Variants in CENPC observed in about 807,000 individuals in gnomAD.
The protein encoded by CENPC is centromere protein C.
Under a neutral mutation model 112.1 loss-of-function variants are expected in CENPC, and 63 were observed. That is an observed-to-expected ratio of 0.56 (90% confidence interval 0.46 to 0.69). The LOEUF (loss-of-function observed/expected upper bound fraction) is 0.69, where lower values mean the gene tolerates loss of function less well. Ranked by LOEUF, CENPC falls within the 30% of genes least tolerant of loss-of-function variation. The pLI, the probability that CENPC is intolerant of heterozygous loss-of-function variation, is 0.00. For synonymous variants in CENPC, 333 were observed against 367.6 expected (o/e 0.91, Z 1.08); for missense variants, 1,000 against 1,103.8 (o/e 0.91, Z 1.33).
Position 67,495,149 on chromosome 4 carries a change from A to G in CENPC, c.2185+10T>C. 6.6e-7 allele frequency: 1 copy of G among 1,505,492 alleles called. No individual in the cohort carries two copies. The highest frequency in any genetic ancestry group is 1.3e-5 in the South Asian group (1 of 75,618). The allele number at this position is 1,505,492 out of a possible 1,614,324, so 93.3% of individuals were successfully genotyped here. A position where few individuals can be genotyped will look rare whatever the true frequency, so the allele number is the denominator to read the frequency against. On this transcript the variant is annotated intron_variant, in intron 13 of 18. Coordinates refer to ENST00000273853, the MANE Select transcript of CENPC (RefSeq NM_001812.4). Reference sequence around the variant, plus strand: ...TCAATGAAAATATTAAAAAAGAAAAATATTCTTACCTAGTTTGTGATGGAT... The same window carrying G: ...TCAATGAAAATATTAAAAAAGAAAAGTATTCTTACCTAGTTTGTGATGGAT...
At chr4:67,507,668 T>C (rs182543596) in intron 10 of CENPC, among the ~76,000 whole-genome samples, 436 of 152,162 alleles carry the variant, frequency 2.9e-3, no homozygotes, top group Admixed American at 6.6e-3. Context: ...TACCAAACAT[T>C]CAAAGAGAAT....
chr4:67,532,924 TA>T, intron 4 of CENPC, among the ~76,000 whole-genome samples: 1 of 152,238 alleles, frequency 6.6e-6, no homozygotes, highest in Admixed American at 6.5e-5. Flanking sequence ...CAAATAAAAA[TA>T]AGTATCAGTC....
intron 4 of CENPC, among the ~76,000 whole-genome samples, chr4:67,535,999 A>T (rs1726708034): frequency 6.6e-6 from 1 of 152,128 alleles, no homozygotes; most frequent in Admixed American, 6.5e-5. Flanking sequence ...AATGCCTTTG[A>T]GCTTTAAAAA....
intron 7 of CENPC, among the ~76,000 whole-genome samples, 200 bp from the exon 8 acceptor site, chr4:67,514,887 T>C (rs1192213078): frequency 6.6e-6 from 1 of 151,924 alleles, no homozygotes; most frequent in African/African-American, 2.4e-5. Flanking sequence ...AGTAATGACA[T>C]CACAAAAATT....
At position 67,542,020 on chromosome 4, in the gene CENPC, A is replaced by ATT. The variant is rs754671106; in HGVS notation, c.66-972_66-971dup. ...ATAAATCCAAGTTGAATGTACCAAT[A>ATT]TTTCATTGCTTTTTAGAGTCAAGTA... On this transcript the variant is annotated intron_variant, in intron 2 of 18. Transcript: ENST00000273853. 3.1e-4 allele frequency among the ~76,000 whole-genome samples: 47 copies of ATT among 152,268 alleles called. No homozygotes were observed. In the East Asian group the frequency reaches 5.8e-3, roughly 19 times the overall value.
intron 5 of CENPC, among the ~76,000 whole-genome samples, chr4:67,527,726 T>A (rs1483201429): frequency 6.6e-6 from 1 of 151,910 alleles, no homozygotes; most frequent in African/African-American, 2.4e-5. Context: ...GTCTCAAACA[T>A]CTGGCCTCAA....
At chr4:67,492,096 A>C in intron 16 of CENPC, 84 bp downstream of exon 16, 1 of 888,850 alleles carries the variant, frequency 1.1e-6, no homozygotes, top group Non-Finnish European at 1.7e-6. Context: ...GAGAAAGGGA[A>C]AGTAGACAGG....
At chr4:67,481,918 A>G (rs549672963) in intron 17 of CENPC, among the ~76,000 whole-genome samples, 1 of 152,368 alleles carries the variant, frequency 6.6e-6, no homozygotes, top group South Asian at 2.1e-4. Context: ...TAAACTAAAA[A>G]GCTTCTGCAC....
intron 4 of CENPC, among the ~76,000 whole-genome samples, chr4:67,534,626 G>C (rs1025183332): frequency 6.6e-6 from 1 of 152,208 alleles, no homozygotes; most frequent in Non-Finnish European, 1.5e-5. Context: ...ATCGCAGTTA[G>C]ACTTGAACCG....
intron 12 of CENPC, among the ~76,000 whole-genome samples, chr4:67,499,145 T>C (rs1360433240): frequency 2.2e-4 from 33 of 152,182 alleles, no homozygotes; most frequent in Non-Finnish European, 2.9e-5. Context: ...GCAAAGTAGA[T>C]TTAGCATAAT....
intron 5 of CENPC, 116 bp downstream of exon 5, chr4:67,530,699 C>T (rs1726521923): frequency 2.3e-6 from 1 of 435,118 alleles, no homozygotes; most frequent in African/African-American, 2.1e-5. Context: ...TTTCACAATT[C>T]ACAATTCTGT....
At chr4:67,501,817 G>A (rs1430329015) in intron 12 of CENPC, among the ~76,000 whole-genome samples, 6 of 152,158 alleles carry the variant, frequency 3.9e-5, no homozygotes, top group East Asian at 3.8e-4. Context: ...GATAATAGAC[G>A]TGTATTTATT....
rs529183872 is a variant in CENPC, at chr4:67,509,037, T to C, written c.1681A>G (p.Thr561Ala). Residue 561 changes from threonine to alanine, a missense_variant, in exon 10 of 19, where the codon ACT becomes GCT. Physicochemically the swap from Thr to Ala is moderately conservative, Grantham distance 58. Transcript: ENST00000273853. ...PMHHNSSRKSTKKTNQSSKNI... is the reference protein window; with the variant it reads ...PMHHNSSRKSAKKTNQSSKNI... The stretch of plus-strand genomic sequence containing the variant: ...TTAGATGACTGATTTGTTTTCTTAG[T>C]AGATTTTCGGCTACTATTGTGATGC... 2.0e-4 allele frequency: 320 copies of C among 1,612,484 alleles called. 1 individual carries two copies. Among genetic ancestry groups the C allele is most frequent in the Admixed American group, 3.7e-4 (22 of 59,834 alleles).
intron 18 of CENPC, among the ~76,000 whole-genome samples, chr4:67,473,297 A>C (rs1038640797): frequency 3.3e-5 from 5 of 152,186 alleles, no homozygotes; most frequent in Non-Finnish European, 5.9e-5. Context: ...TAACAGCAAA[A>C]GTGAAATACA....
rs1724762376 is a variant in CENPC at position 67,474,936 on chromosome 4, C to T, written c.2713G>A (p.Glu905Lys). The change falls in exon 18 of 19, where the codon GAA becomes AAA. Residue 905 changes from glutamate (E) to lysine (K), a missense_variant. Physicochemically the swap from Glu to Lys is moderately conservative, Grantham distance 56. Coordinates refer to ENST00000273853, the MANE Select transcript of CENPC (RefSeq NM_001812.4). Reference sequence around the variant, plus strand: ...CCAGTACTTAATATATAAGGTGTTTCATGTAAAGTACACAAAAGGTCACCA... The same window carrying T: ...CCAGTACTTAATATATAAGGTGTTTTATGTAAAGTACACAAAAGGTCACCA... ...NFGDLLCTLH[E>K]TPYILSTGDS... is the part of the protein sequence containing the mutation. 1 of 1,580,346 alleles carries T rather than the reference C, an allele frequency of 6.3e-7. No individual in the cohort carries two copies. The highest frequency in any genetic ancestry group is 8.6e-7 in the Non-Finnish European group (1 of 1,160,510).
intron 14 of CENPC, chr4:67,493,262 T>TA: frequency 9.7e-6 from 2 of 205,684 alleles, no homozygotes; most frequent in Admixed American, 6.0e-5. Context: ...GTGGAGGCTT[T>TA]TAAAAAAAAA....
At chr4:67,478,079 T>C (rs1052632714) in intron 17 of CENPC, among the ~76,000 whole-genome samples, 7 of 151,998 alleles carry the variant, frequency 4.6e-5, no homozygotes, top group South Asian at 2.1e-4. Context: ...ATAAGAATAA[T>C]TGGTGTTCCT....
Position 67,508,821 on chromosome 4 carries a change from A to T in CENPC, c.1897T>A (p.Cys633Ser). The change falls in exon 10 of 19, where the codon TGT becomes AGT. Residue 633 changes from cysteine to serine, a missense_variant. By Grantham distance (112) the Cys-to-Ser change is moderately radical. Transcript: ENST00000273853. ...ADLAKKKNLDCSRSTRSSKNE... is the reference protein window; with the variant it reads ...ADLAKKKNLDSSRSTRSSKNE... Reference sequence around the variant, plus strand: ...ACACATAACAGACATTACCTAGAACAATCAAGATTTTTCTTCTTAGCCAAG... The same window carrying T: ...ACACATAACAGACATTACCTAGAACTATCAAGATTTTTCTTCTTAGCCAAG... 6.2e-7 allele frequency: 1 copy of T among 1,613,012 alleles called. No individual in the cohort carries two copies. Among genetic ancestry groups the T allele is most frequent in the Non-Finnish European group, 8.5e-7 (1 of 1,179,494 alleles).
intron 17 of CENPC, among the ~76,000 whole-genome samples, chr4:67,486,944 T>C (rs1333572416): frequency 6.6e-6 from 1 of 150,418 alleles, no homozygotes; most frequent in African/African-American, 2.4e-5. Context: ...CTTGATCAGA[T>C]TCAGGTTTTG....
Sources: gnomAD v4.1 joint callset for allele counts (sites outside exome capture counted in the v4.1 genomes callset) on GRCh38, gnomAD v4.1.1 for gene constraint, MANE v1.5 for transcripts, NCBI Gene and HGNC (gene_info 2026-07-23, HGNC 2026-07-21) for gene names.